The following RPRD2 variants were observed in gnomAD, a reference collection of about 807,000 sequenced individuals.
RPRD2 encodes regulation of nuclear pre-mRNA domain containing 2, also known as regulation of nuclear pre-mRNA domain-containing protein 2.
In RPRD2, 12 loss-of-function variants were observed where a neutral mutation model predicts 104.4. The observed-to-expected ratio is 0.11, with a 90% confidence interval of 0.07 to 0.19. The LOEUF (loss-of-function observed/expected upper bound fraction) is 0.19. Ranked by LOEUF, RPRD2 falls within the 10% of genes least tolerant of loss-of-function variation. The pLI is 1.00. For missense variants in RPRD2, 1,543 were observed against 1,790.1 expected (o/e 0.86, Z 2.49); for synonymous variants, 714 against 684.9 (o/e 1.04, Z -0.66).
intron 1 of RPRD2, among the ~76,000 whole-genome samples, chr1:150,403,753 A>G (rs1366593165): frequency 6.6e-6 from 1 of 152,008 alleles, no homozygotes; most frequent in Admixed American, 6.6e-5. Flanking sequence ...GGTTCAAGCA[A>G]TTCTCATGCC....
At chr1:150,410,446 T>C (rs369743126) in intron 1 of RPRD2, among the ~76,000 whole-genome samples, 108 of 152,254 alleles carry the variant, frequency 7.1e-4, no homozygotes, top group African/African-American at 2.5e-3. Flanking sequence ...CCACAGGCAG[T>C]GATGGAGGTA....
At chr1:150,388,057 C>T (rs1178262671) in intron 1 of RPRD2, among the ~76,000 whole-genome samples, 1 of 151,620 alleles carries the variant, frequency 6.6e-6, no homozygotes, top group Non-Finnish European at 1.5e-5. Flanking sequence ...GCTGGGACTA[C>T]AGGGGTGCAC....
At chr1:150,455,135 A>G (rs1199875116) in intron 7 of RPRD2, among the ~76,000 whole-genome samples, 1 of 152,182 alleles carries the variant, frequency 6.6e-6, no homozygotes, top group Non-Finnish European at 1.5e-5. Context: ...TTAGAAAAAT[A>G]TCAGTCAAAT....
intron 1 of RPRD2, among the ~76,000 whole-genome samples, chr1:150,394,999 A>T (rs1051416025): frequency 1.2e-4 from 18 of 152,098 alleles, no homozygotes; most frequent in African/African-American, 3.4e-4. Flanking sequence ...TCTTTTTTTT[A>T]AATTAAATTT....
intron 1 of RPRD2, among the ~76,000 whole-genome samples, chr1:150,395,513 C>CTTT (rs71086506): frequency 0.02 from 2,663 of 131,628 alleles, 85 homozygotes; most frequent in Non-Finnish European, 0.031. Flanking sequence ...ATGCAAATAT[C>CTTT]TTTTTTTTTT....
intron 2 of RPRD2, among the ~76,000 whole-genome samples, chr1:150,426,201 T>C (rs1187875853): frequency 3.3e-5 from 5 of 152,222 alleles, no homozygotes; most frequent in Non-Finnish European, 7.3e-5. Context: ...ATCCCAGTAA[T>C]GAGACATTGC....
In RPRD2 at chr1:150,431,629, C is replaced by T. The variant is rs187552335; in HGVS notation, c.336-9294C>T. 1.5e-3 allele frequency among the ~76,000 whole-genome samples: 229 copies of T among 150,678 alleles called. 1 individual carries two copies. Among genetic ancestry groups the T allele is most frequent in the Middle Eastern group, 0.014 (4 of 294 alleles). ...CTGAGTAGCTGGGATTACAGGCGCG[C>T]GCCACCATACCCAGCTAATTTTTGT... is the stretch of plus-strand genomic sequence containing the variant. On this transcript the variant is annotated intron_variant, in intron 2 of 10. Transcript: ENST00000369068.
In RPRD2 at chr1:150,411,788, C is replaced by CAAA. The variant is rs71086508; in HGVS notation, c.206-5782_206-5780dup. Among the ~76,000 whole-genome samples the CAAA allele has an allele frequency of 1.6e-4, 11 of 70,718 alleles. 1 individual carries two copies. Among genetic ancestry groups the CAAA allele is most frequent in the African/African-American group, 5.5e-4 (6 of 10,994 alleles). The allele number at this position is 70,718 out of a possible 152,430, so 46.4% of individuals were successfully genotyped here. A position where few individuals can be genotyped will look rare whatever the true frequency, so the allele number is the denominator to read the frequency against. The stretch of plus-strand genomic sequence containing the variant: ...CCTGGACGACAGAGCTAGACTGTCT[C>CAAA]AAAAAAAAAAAAAAAAAAAAAAAAA... On this transcript the variant is annotated intron_variant, in intron 1 of 10. Coordinates refer to ENST00000369068, the MANE Select transcript of RPRD2 (RefSeq NM_015203.5).
rs587746906 is a variant in RPRD2 at position 150,424,479 on chromosome 1, G to C, written c.335+6754G>C. On this transcript the variant is annotated intron_variant, in intron 2 of 10. Coordinates refer to ENST00000369068, the MANE Select transcript of RPRD2 (RefSeq NM_015203.5). ...ATTTTTGTATTTTTAGTAGAGACAG[G>C]GTTTCACCATGTTGGTCAGGCTGGT... Among the ~76,000 whole-genome samples the C allele has an allele frequency of 1.8e-4, 28 of 151,918 alleles. No individual in the cohort carries two copies. The East Asian group carries it at 5.4e-3, about 30-fold the overall frequency.
At chr1:150,416,171 A>T (rs12757823) in intron 1 of RPRD2, among the ~76,000 whole-genome samples, 33,722 of 152,114 alleles carry the variant, frequency 0.22, 4,256 homozygotes, top group African/African-American at 0.32. Context: ...TTGGGATTTC[A>T]TTGAGCACAT....
intron 1 of RPRD2, among the ~76,000 whole-genome samples, chr1:150,372,494 C>CACACACAG (rs1553878623): frequency 3.1e-5 from 3 of 95,582 alleles, no homozygotes; most frequent in South Asian, 3.2e-4. Context: ...AAGAAACACA[C>CACACACAG]ACACACACAC....
chr1:150,389,647 C>T (rs587758478), intron 1 of RPRD2, among the ~76,000 whole-genome samples: 3 of 152,262 alleles, frequency 2.0e-5, no homozygotes, highest in Admixed American at 1.3e-4. Flanking sequence ...GAAGAAGTCA[C>T]TGCACAGCCC....
chr1:150,446,162 C>A, intron 6 of RPRD2, 64 bp from the exon 7 acceptor site: 2 of 1,240,102 alleles, frequency 1.6e-6, no homozygotes, highest in South Asian at 3.4e-5. Flanking sequence ...CTTCAAAAGT[C>A]AAAAGACTAA....
intron 1 of RPRD2, among the ~76,000 whole-genome samples, chr1:150,409,225 G>T (rs1303532538): frequency 1.3e-5 from 2 of 152,110 alleles, no homozygotes; most frequent in Non-Finnish European, 2.9e-5. Flanking sequence ...TTGAGGAATT[G>T]ATGTTGTGAG....
At chr1:150,424,088 G>C (rs895579233) in intron 2 of RPRD2, among the ~76,000 whole-genome samples, 3 of 151,960 alleles carry the variant, frequency 2.0e-5, no homozygotes, top group Admixed American at 6.6e-5. Flanking sequence ...CACAGCACCC[G>C]GCCAGTTGAG....
At chr1:150,388,826 T>G (rs1553882689) in intron 1 of RPRD2, among the ~76,000 whole-genome samples, 3 of 151,924 alleles carry the variant, frequency 2.0e-5, no homozygotes, top group Non-Finnish European at 4.4e-5. Flanking sequence ...AGGCTGGTCT[T>G]GAACCCCTGA....
At chr1:150,412,286 T>C (rs587685049) in intron 1 of RPRD2, among the ~76,000 whole-genome samples, 3 of 152,290 alleles carry the variant, frequency 2.0e-5, no homozygotes, top group Admixed American at 6.5e-5. Context: ...CCAGATTACC[T>C]CAACCACTTT....
rs373198505 is a variant in RPRD2, at chr1:150,364,655, CCCGCCGCCG to C, written c.-42_-34del. On this transcript the variant is annotated 5_prime_UTR_variant, in exon 1 of 11. Coordinates refer to ENST00000369068, the MANE Select transcript of RPRD2 (RefSeq NM_015203.5). ...ACTCGCAGTGATTGTTTTGCCCGCT[CCCGCCGCCG>C]CCGCCGCCGCCGCCGCCAGAGGAGC... 3,948 of 895,804 alleles carry C rather than the reference CCCGCCGCCG, an allele frequency of 4.4e-3. 7 individuals carry two copies. The highest frequency in any genetic ancestry group is 6.0e-3 in the Non-Finnish European group (3,515 of 587,440). The allele number at this position is 895,804 out of a possible 1,614,324, so 55.5% of individuals were successfully genotyped here. A position where few individuals can be genotyped will look rare whatever the true frequency, so the allele number is the denominator to read the frequency against.
chr1:150,392,206 G>A (rs981907150), intron 1 of RPRD2, among the ~76,000 whole-genome samples: 1 of 151,498 alleles, frequency 6.6e-6, no homozygotes, highest in African/African-American at 2.4e-5. Flanking sequence ...AGAAAAGAGA[G>A]AAGAATAGAG....
Sources: allele counts gnomAD v4.1 joint callset (sites outside exome capture counted in the v4.1 genomes callset), GRCh38; gene constraint gnomAD v4.1.1; transcripts MANE v1.5; gene names NCBI Gene and HGNC (gene_info 2026-07-23, HGNC 2026-07-21).